The following VWA3B variants were observed in gnomAD, a reference collection of about 807,000 sequenced individuals.
VWA3B encodes the protein von Willebrand factor A domain-containing protein 3B.
In VWA3B, 138 loss-of-function variants were observed where a neutral mutation model predicts 158.3. That is an observed-to-expected ratio of 0.87 (90% CI 0.76 to 1.00). The LOEUF (loss-of-function observed/expected upper bound fraction) is 1.00. Among genes scored for constraint, VWA3B ranks in the 50% least tolerant of loss-of-function variants. The pLI is 0.00. For synonymous variants in VWA3B, 596 were observed against 587.3 expected, an observed-to-expected ratio of 1.01 and a Z score of -0.21; for missense variants, 1,555 against 1,565.1, an observed-to-expected ratio of 0.99 and a Z score of 0.11.
At chr2:98,311,769 G>C in intron 26 of VWA3B, 50 bp from the exon 27 acceptor site, 1 of 1,493,348 alleles carries the variant, frequency 6.7e-7, no homozygotes, top group Non-Finnish European at 8.9e-7. Context: ...CATCTCTGTA[G>C]ACCCCGCAGC....
chr2:98,244,101 A>T (rs950209361), intron 19 of VWA3B, among the ~76,000 whole-genome samples: 10 of 152,216 alleles, frequency 6.6e-5, no homozygotes, highest in Non-Finnish European at 1.5e-4. Context: ...TACTTTAACA[A>T]TCAATAGCTG....
At chr2:98,088,360 T>A (rs1304494171) in intron 1 of VWA3B, among the ~76,000 whole-genome samples, 2 of 152,126 alleles carry the variant, frequency 1.3e-5, no homozygotes, top group Non-Finnish European at 2.9e-5. Context: ...ACATAGGACC[T>A]TTTCTCTGAG....
chr2:98,328,481 T>G, the VWA3B span, among the ~76,000 whole-genome samples: 2 of 152,248 alleles, frequency 1.3e-5, no homozygotes, highest in Non-Finnish European at 1.5e-5. Flanking sequence ...TTAGAATTTA[T>G]AAGTGACTTT....
chr2:98,198,964 G>A (rs564900588), intron 12 of VWA3B, among the ~76,000 whole-genome samples: 18 of 152,188 alleles, frequency 1.2e-4, no homozygotes, highest in Admixed American at 3.9e-4. Flanking sequence ...GTGTGCGCCT[G>A]TAGTACCAGC....
intron 7 of VWA3B, among the ~76,000 whole-genome samples, chr2:98,140,186 C>T (rs547684815): frequency 1.4e-4 from 22 of 152,312 alleles, no homozygotes; most frequent in African/African-American, 5.1e-4. Flanking sequence ...ACACGCACCG[C>T]GAAGGTCCGT....
intron 16 of VWA3B, among the ~76,000 whole-genome samples, chr2:98,231,122 T>G (rs1169074765): frequency 6.6e-6 from 1 of 152,228 alleles, no homozygotes; most frequent in African/African-American, 2.4e-5. Context: ...AATTCTGCTG[T>G]AAGACACTAA....
chr2:98,308,666 A>C (rs1354073765), intron 26 of VWA3B, among the ~76,000 whole-genome samples: 1 of 152,200 alleles, frequency 6.6e-6, no homozygotes, highest in Middle Eastern at 3.2e-3. Flanking sequence ...GGTGGGTCTG[A>C]TGCTCCAGCT....
At chr2:98,209,565 C>T (rs191470874) in intron 12 of VWA3B, among the ~76,000 whole-genome samples, 6 of 152,290 alleles carry the variant, frequency 3.9e-5, no homozygotes, top group African/African-American at 1.4e-4. Flanking sequence ...CAGGCGTGAG[C>T]CACCGCGCCC....
intron 8 of VWA3B, among the ~76,000 whole-genome samples, chr2:98,166,309 T>C (rs1338506545): frequency 2.0e-5 from 3 of 152,046 alleles, no homozygotes; most frequent in Non-Finnish European, 4.4e-5. Context: ...TGCACTCCGG[T>C]CTGGGCAACA....
chr2:98,119,961 G>A (rs1171822101), intron 4 of VWA3B, among the ~76,000 whole-genome samples, 198 bp downstream of exon 4: 1 of 152,178 alleles, frequency 6.6e-6, no homozygotes, highest in Non-Finnish European at 1.5e-5. Context: ...TTTGCACAGG[G>A]TGTCTTAGCT....
intron 2 of VWA3B, among the ~76,000 whole-genome samples, chr2:98,110,235 T>C (rs1299197084): frequency 6.6e-6 from 1 of 152,132 alleles, no homozygotes; most frequent in Non-Finnish European, 1.5e-5. Context: ...CTTGTCTAGA[T>C]TGGGTAATTT....
At position 98,230,008 on chromosome 2, in the gene VWA3B, C is replaced by G. The variant is rs191359519; in HGVS notation, c.2151-42C>G. On this transcript the variant is annotated intron_variant, in intron 15 of 27. Coordinates refer to ENST00000477737, the MANE Select transcript of VWA3B (RefSeq NM_144992.5). ...GCCTTCTTGATGGAAATTTTCTTTT[C>G]TCTCTCTTTTTTTGCTCGACTTTTT... 2.0e-6 allele frequency: 3 copies of G among 1,527,168 alleles called. No homozygotes were observed. The South Asian group carries it at 4.0e-5, about 20-fold the overall frequency. The allele number at this position is 1,527,168 out of a possible 1,614,324, so 94.6% of individuals were successfully genotyped here.
chr2:98,104,810 T>C (rs1457910016), intron 2 of VWA3B, among the ~76,000 whole-genome samples: 1 of 152,236 alleles, frequency 6.6e-6, no homozygotes, highest in African/African-American at 2.4e-5. Context: ...TTTCATTTAA[T>C]TGGCTTTCCT....
At chr2:98,231,657 G>C (rs1010709474) in intron 16 of VWA3B, among the ~76,000 whole-genome samples, 6 of 152,194 alleles carry the variant, frequency 3.9e-5, no homozygotes, top group African/African-American at 1.4e-4. Flanking sequence ...CCTCTATCCA[G>C]TTAAGGAAGT....
intron 8 of VWA3B, among the ~76,000 whole-genome samples, chr2:98,174,844 A>C (rs749998408): frequency 6.6e-6 from 1 of 152,220 alleles, no homozygotes; most frequent in Non-Finnish European, 1.5e-5. Flanking sequence ...TACAGCATGG[A>C]AAGTGTGGCC....
At position 98,270,783 on chromosome 2, in the gene VWA3B, T is replaced by G; in HGVS notation, c.2945T>G (p.Met982Arg). The G allele has an allele frequency of 6.2e-7, 1 of 1,614,188 alleles. No homozygotes were observed. Among genetic ancestry groups the G allele is most frequent in the African/African-American group, 1.3e-5 (1 of 75,068 alleles). The change falls in exon 22 of 28, where the codon ATG becomes AGG. Residue 982 changes from methionine to arginine, a missense_variant. Transcript: ENST00000477737. ...CCCATTTCACTGAAAGAGCTGTCGA[T>G]GCTGGAAAGTGAAATCCTAGCTGGG... Reference protein sequence around the residue: ...NWPISLKELSMLESEILAGKM... With the variant: ...NWPISLKELSRLESEILAGKM...
chr2:98,128,218 G>A (rs1273449026), intron 5 of VWA3B, 21 bp from the exon 6 acceptor site: 11 of 1,612,308 alleles, frequency 6.8e-6, no homozygotes, highest in Admixed American at 1.7e-5. Flanking sequence ...GAGATAAACC[G>A]TTGGCACCAC....
At position 98,181,160 on chromosome 2, in the gene VWA3B, G is replaced by A. The variant is rs1168152515; in HGVS notation, c.1259G>A (p.Gly420Glu). Reference sequence around the variant, plus strand: ...GACTGCTCTTTCCGCCACGCTGATGGGGTTGTGGATATAAAAGCCAAACCG... The same window carrying A: ...GACTGCTCTTTCCGCCACGCTGATGAGGTTGTGGATATAAAAGCCAAACCG... Reference protein sequence around the residue: ...LADCSFRHADGVVDIKAKPEN... With the variant: ...LADCSFRHADEVVDIKAKPEN... Residue 420 changes from glycine to glutamate, a missense_variant, in exon 9 of 28, where the codon GGG (glycine) becomes GAG (glutamate). Coordinates refer to ENST00000477737, the MANE Select transcript of VWA3B (RefSeq NM_144992.5). 6.2e-7 allele frequency: 1 copy of A among 1,614,186 alleles called. No homozygotes were observed. Among genetic ancestry groups the A allele is most frequent in the Admixed American group, 1.7e-5 (1 of 60,026 alleles).
chr2:98,243,604 G>A (rs1245150190), intron 19 of VWA3B, among the ~76,000 whole-genome samples: 1 of 152,132 alleles, frequency 6.6e-6, no homozygotes, highest in Non-Finnish European at 1.5e-5. Context: ...AAAGTGCTGG[G>A]ATTACAGGCA....
Sources: allele counts gnomAD v4.1 joint callset (sites outside exome capture counted in the v4.1 genomes callset), GRCh38; gene constraint gnomAD v4.1.1; transcripts MANE v1.5; gene names NCBI Gene and HGNC (gene_info 2026-07-23, HGNC 2026-07-21).